The following MACF1 variants were observed in gnomAD, a reference collection of about 807,000 sequenced individuals.
MACF1 encodes microtubule actin crosslinking factor 1.
In MACF1, 193 loss-of-function variants were observed where a neutral mutation model predicts 854.8. The ratio of observed to expected loss-of-function variants is 0.23; its 90% CI spans 0.20 to 0.25. The LOEUF (loss-of-function observed/expected upper bound fraction) is 0.25. Ranked by LOEUF, MACF1 falls within the 10% of genes least tolerant of loss-of-function variation. The pLI is 1.00. For missense variants in MACF1, 7,722 were observed against 8,929.1 expected, an observed-to-expected ratio of 0.86 and a Z score of 5.45; for synonymous variants, 3,185 against 3,226.7, an observed-to-expected ratio of 0.99 and a Z score of 0.44.
intron 29 of MACF1, among the ~76,000 whole-genome samples, chr1:39,317,922 G>A (rs1427102998): frequency 1.3e-5 from 2 of 152,172 alleles, no homozygotes; most frequent in East Asian, 3.8e-4. Context: ...GTAGGGAGAG[G>A]AGCTTAACAA....
intron 92 of MACF1, among the ~76,000 whole-genome samples, chr1:39,461,229 A>T (rs1013327527): frequency 1.3e-5 from 2 of 152,230 alleles, no homozygotes; most frequent in Non-Finnish European, 2.9e-5. Context: ...AATCTAAGAC[A>T]ATAATCTAAA....
intron 58 of MACF1, among the ~76,000 whole-genome samples, chr1:39,405,116 G>C (rs915579050): frequency 6.6e-6 from 1 of 152,136 alleles, no homozygotes; most frequent in African/African-American, 2.4e-5. Flanking sequence ...ATGGGTTCAC[G>C]AGTACATGAG....
Position 39,337,232 on chromosome 1 carries a change from C to T in MACF1, c.10116C>T (p.Ser3372=). 1 of 1,613,990 alleles carries T rather than the reference C, an allele frequency of 6.2e-7. No individual in the cohort carries two copies. The highest frequency in any genetic ancestry group is 8.5e-7 in the Non-Finnish European group (1 of 1,179,926). Reference sequence around the variant, plus strand: ...TAGAACATGATGAAAAGCTAGTATCCTATCTGTCTCTGTTACGGAACATTG... The same window carrying T: ...TAGAACATGATGAAAAGCTAGTATCTTATCTGTCTCTGTTACGGAACATTG... ...LCLEHDEKLV[S]YLSLLRNIEM... The change falls in exon 38 of 101, where the codon TCC becomes TCT. Residue 3372 remains serine, a synonymous_variant. Transcript: ENST00000564288.
chr1:39,422,324 A>T, intron 58 of MACF1, 50 bp from the exon 59 acceptor site: 1 of 1,491,724 alleles, frequency 6.7e-7, no homozygotes, highest in Admixed American at 1.7e-5. Context: ...CGTGGTATAG[A>T]GAGTCTAATA....
intron 72 of MACF1, among the ~76,000 whole-genome samples, chr1:39,440,111 C>CTTTTCTTTTCTTTTCTTTTCTTTTTTT (rs1553414036): frequency 1.5e-5 from 1 of 64,568 alleles, no homozygotes; most frequent in African/African-American, 6.7e-5. Flanking sequence ...CTTTTCTTTT[C>CTTTTCTTTTCTTTTCTTTTCTTTTTTT]TTTTTTTTTT....
rs746344533 is a variant in MACF1, at chr1:39,453,746, A to G, written c.20782A>G (p.Asn6928Asp). ...KKVEEKRVDVNSAVAMGEVIL... is the reference protein window; with the variant it reads ...KKVEEKRVDVDSAVAMGEVIL... The stretch of plus-strand genomic sequence containing the variant: ...AGTAGAAGAAAAGCGAGTGGACGTT[A>G]ACTCAGCAGTAGCCATGGGAGAAGT... The change falls in exon 88 of 101, where the codon AAC becomes GAC. Residue 6928 changes from asparagine (N) to aspartate (D), a missense_variant. This residue lies in a region of MACF1 where 729 missense variants were observed against 900.5 expected (regional missense o/e 0.81). Transcript: ENST00000564288. The G allele has an allele frequency of 6.2e-7, 1 of 1,614,208 alleles. No individual in the cohort carries two copies. Among genetic ancestry groups the G allele is most frequent in the South Asian group, 1.1e-5 (1 of 91,078 alleles).
At chr1:39,371,483 G>C (rs1216858216) in intron 51 of MACF1, among the ~76,000 whole-genome samples, 2 of 152,078 alleles carry the variant, frequency 1.3e-5, no homozygotes, top group Non-Finnish European at 1.5e-5. Flanking sequence ...GTATGGAGGA[G>C]GGCAATGAAG....
chr1:39,425,970 C>A (rs919630260), intron 61 of MACF1, among the ~76,000 whole-genome samples: 1 of 152,202 alleles, frequency 6.6e-6, no homozygotes, highest in East Asian at 1.9e-4. Flanking sequence ...AAACAAATAA[C>A]AAGAGTAGAT....
rs1557665960 is a variant in MACF1, at chr1:39,459,030, A to G, written c.21197-56A>G. ...ATCTTCTAGGTTTATACATACAGCT[A>G]TTTCTCTTTGTATACTAACCAGCTG... On this transcript the variant is annotated intron_variant, in intron 90 of 100. Coordinates refer to ENST00000564288, the MANE Select transcript of MACF1 (RefSeq NM_001394062.1). 35 of 1,438,642 alleles carry G rather than the reference A, an allele frequency of 2.4e-5. No individual in the cohort carries two copies. The South Asian group carries it at 3.8e-4, about 15-fold the overall frequency. 89.1% of individuals were successfully genotyped at this position (1,438,642 alleles called of 1,614,324 possible). A position where few individuals can be genotyped will look rare whatever the true frequency, so the allele number is the denominator to read the frequency against.
At chr1:39,250,170 T>G (rs1182209941) in intron 3 of MACF1, 67 bp downstream of exon 3, 1 of 1,069,542 alleles carries the variant, frequency 9.3e-7, no homozygotes, top group African/African-American at 1.6e-5. Flanking sequence ...TCCATCTCAT[T>G]GAGTGCAAGG....
chr1:39,169,980 A>G (rs1042247626), intron 2 of MACF1, among the ~76,000 whole-genome samples: 8 of 147,572 alleles, frequency 5.4e-5, no homozygotes, highest in Admixed American at 2.7e-4. Context: ...ATGGGGTTTC[A>G]CCTTGTTAGC....
At chr1:39,268,288 C>CCCT (rs1557553639) in intron 6 of MACF1, among the ~76,000 whole-genome samples, 2 of 152,094 alleles carry the variant, frequency 1.3e-5, no homozygotes, top group African/African-American at 4.8e-5. Context: ...CTTACATTTT[C>CCCT]CCTCCTCCTC....
chr1:39,413,903 A>C, intron 58 of MACF1: 1 of 1,605,880 alleles, frequency 6.2e-7, no homozygotes, highest in Non-Finnish European at 8.5e-7. Context: ...GCCACCCTAG[A>C]GGAATTCACT....
chr1:39,137,865 C>T (rs1019912947), intron 2 of MACF1, among the ~76,000 whole-genome samples: 8 of 151,254 alleles, frequency 5.3e-5, no homozygotes, highest in Admixed American at 1.3e-4. Flanking sequence ...CCTGAGGTCG[C>T]GAGTTTGAGA....
intron 52 of MACF1, chr1:39,373,604 G>A (rs1478777953): frequency 6.6e-6 from 1 of 152,128 alleles, no homozygotes; most frequent in Non-Finnish European, 1.5e-5. Context: ...TGTAATCTCA[G>A]CACTTTGGGA....
chr1:39,414,389 C>T, intron 58 of MACF1: 1 of 1,613,978 alleles, frequency 6.2e-7, no homozygotes, highest in Non-Finnish European at 8.5e-7. Context: ...GACCTTGATT[C>T]CCTAGTATTT....
At chr1:39,448,205 G>C in intron 83 of MACF1, 53 bp downstream of exon 83, 1 of 1,542,034 alleles carries the variant, frequency 6.5e-7, no homozygotes. Flanking sequence ...GCTAAAGCTT[G>C]TATCTTGCCA....
In MACF1 at chr1:39,359,138, C is replaced by T. The variant is rs1267338049; in HGVS notation, c.12121-3C>T. ...TTCTTTTGTTTTTTTCATGGACAAG[C>T]AGCAGTTGCAGGAGGAATTGGCTGA... On this transcript the variant is annotated splice_polypyrimidine_tract_variant and splice_region_variant and intron_variant, in intron 46 of 100. Transcript: ENST00000564288. The T allele has an allele frequency of 6.2e-7, 1 of 1,613,848 alleles. No homozygotes were observed. Among genetic ancestry groups the T allele is most frequent in the Non-Finnish European group, 8.5e-7 (1 of 1,179,940 alleles).
intron 2 of MACF1, among the ~76,000 whole-genome samples, chr1:39,241,061 T>A (rs1467087582): frequency 2.6e-5 from 4 of 152,056 alleles, no homozygotes; most frequent in Admixed American, 6.6e-5. Context: ...TTTTTTTTTT[T>A]TTTTTTAGTG....
Sources: allele counts gnomAD v4.1 joint callset (sites outside exome capture counted in the v4.1 genomes callset), GRCh38; gene constraint gnomAD v4.1.1; regional missense constraint gnomAD v4.1.1; transcripts MANE v1.5; gene names NCBI Gene and HGNC (gene_info 2026-07-23, HGNC 2026-07-21).